Variants in SLC27A3 observed in about 807,000 individuals in gnomAD.
SLC27A3 encodes the protein solute carrier family 27 member 3.
In SLC27A3, 60 loss-of-function variants were observed where a neutral mutation model predicts 60.1. The ratio of observed to expected loss-of-function variants is 1.00; its 90% CI spans 0.81 to 1.24. SLC27A3 has a LOEUF of 1.24. Ranked by LOEUF, SLC27A3 falls within the 50% of genes most tolerant of loss-of-function variation. The pLI, the probability that SLC27A3 is intolerant of heterozygous loss-of-function variation, is 0.00. For synonymous variants in SLC27A3, 455 were observed against 409.0 expected (o/e 1.11, Z -1.36); for missense variants, 1,079 against 929.9 (o/e 1.16, Z -2.09).
intron 3 of SLC27A3, chr1:153,777,549 T>C: frequency 1.6e-6 from 1 of 634,350 alleles, no homozygotes; most frequent in Non-Finnish European, 2.7e-6. Context: ...GGCTGGGAAG[T>C]AGGGAAAGGG....
chr1:153,775,704 G>T lies in SLC27A3; in HGVS notation c.207G>T (p.Trp69Cys). ...CCGAGGGGGGCTGCAGCCTGGCCTG[G>T]CGCCTCGCGGAACTGGCCCAGCAGC... ...EGPEGGCSLAWRLAELAQQRA... is the reference protein window; with the variant it reads ...EGPEGGCSLACRLAELAQQRA... Residue 69 changes from tryptophan to cysteine, a missense_variant, in exon 1 of 10, where the codon TGG becomes TGT. Coordinates refer to ENST00000624995, the MANE Select transcript of SLC27A3 (RefSeq NM_024330.4). 1 of 1,527,002 alleles carries T rather than the reference G, an allele frequency of 6.5e-7. No individual in the cohort carries two copies. The highest frequency in any genetic ancestry group is 8.8e-7 in the Non-Finnish European group (1 of 1,141,676). The allele number at this position is 1,527,002 out of a possible 1,614,324, so 94.6% of individuals were successfully genotyped here. A position where few individuals can be genotyped will look rare whatever the true frequency, so the allele number is the denominator to read the frequency against.
chr1:153,777,100 C>G lies in SLC27A3; in HGVS notation c.916C>G (p.Leu306Val), dbSNP rs375378070. ...TGCTCGGATCAGTCATCTGAAGATC[C>G]TGCAATGCCAGGGCTTCTATCAGCT... is the stretch of plus-strand genomic sequence containing the variant. The part of the protein sequence containing the change: ...KAARISHLKI[L>V]QCQGFYQLCG... Residue 306 changes from leucine (L) to valine (V), a missense_variant, in exon 3 of 10, where the codon CTG (leucine) becomes GTG (valine). Physicochemically the swap from Leu to Val is conservative, Grantham distance 32 (BLOSUM62 1). Coordinates refer to ENST00000624995, the MANE Select transcript of SLC27A3 (RefSeq NM_024330.4). 3 of 1,614,104 alleles carry G rather than the reference C, an allele frequency of 1.9e-6. No homozygotes were observed. In the African/African-American group the frequency reaches 4.0e-5, roughly 22 times the overall value.
chr1:153,776,974 C>T, intron 2 of SLC27A3, 88 bp from the exon 3 acceptor site: 1 of 1,442,062 alleles, frequency 6.9e-7, no homozygotes, highest in South Asian at 1.2e-5. Flanking sequence ...CCGCCTCTTT[C>T]TGTGGGAAAC....
chr1:153,777,349 T>C (rs1278736273), intron 3 of SLC27A3, 129 bp downstream of exon 3: 1 of 1,174,656 alleles, frequency 8.5e-7, no homozygotes, highest in African/African-American at 1.5e-5. Context: ...CACCAGGAGC[T>C]CTGTACAATA....
At position 153,779,416 on chromosome 1, in the gene SLC27A3, C is replaced by T. The variant is rs1431894726; in HGVS notation, c.1818C>T (p.Tyr606=). 2 of 1,614,062 alleles carry T rather than the reference C, an allele frequency of 1.2e-6. No individual in the cohort carries two copies. Among genetic ancestry groups the T allele is most frequent in the Middle Eastern group, 1.7e-4 (1 of 6,060 alleles). The change falls in exon 9 of 10, where the codon TAC becomes TAT. Residue 606 remains tyrosine, a synonymous_variant. Coordinates refer to ENST00000624995, the MANE Select transcript of SLC27A3 (RefSeq NM_024330.4). The part of the protein sequence containing the change: ...PPHALDLMQL[Y]THVSENLPPY... ...ACGCTTTGGACCTTATGCAGCTCTA[C>T]ACCCACGTGTCTGAGAACTTGCCAC... is the stretch of plus-strand genomic sequence containing the variant.
At position 153,778,206 on chromosome 1, in the gene SLC27A3, G is replaced by A. The variant is rs146128753; in HGVS notation, c.1207G>A (p.Gly403Arg). 952 of 1,613,076 alleles carry A rather than the reference G, an allele frequency of 5.9e-4. 4 individuals carry two copies. The East Asian group carries it at 0.016, about 27-fold the overall frequency. ...TAAGGTCCGGCTGGCAGTGGGCAGC[G>A]GGCTGCGCCCAGATACCTGGGAGCG... is the stretch of plus-strand genomic sequence containing the variant. ...GHKVRLAVGS[G>R]LRPDTWERFV... The change falls in exon 5 of 10, where the codon GGG becomes AGG. Residue 403 changes from glycine (G) to arginine (R), a missense_variant. Physicochemically the swap from Gly to Arg is moderately radical, Grantham distance 125 (BLOSUM62 -2). Transcript: ENST00000624995.
rs765738547 is a variant in SLC27A3, at chr1:153,778,762, C to T, written c.1523C>T (p.Ala508Val). 1.9e-6 allele frequency: 3 copies of T among 1,613,994 alleles called. No individual in the cohort carries two copies. The South Asian group carries it at 3.3e-5, about 18-fold the overall frequency. ...GGCTATGCTGGCGGGCCAGAGCTGGCCCAGGGGAAGTTGCTAAAGGATGTC... is the reference window on the plus strand; with the variant it reads ...GGCTATGCTGGCGGGCCAGAGCTGGTCCAGGGGAAGTTGCTAAAGGATGTC... ...FLGYAGGPEL[A>V]QGKLLKDVFR... The change falls in exon 7 of 10, where the codon GCC becomes GTC. Residue 508 changes from alanine to valine, a missense_variant. By Grantham distance (64) the Ala-to-Val change is moderately conservative (BLOSUM62 0). Coordinates refer to ENST00000624995, the MANE Select transcript of SLC27A3 (RefSeq NM_024330.4).
chr1:153,776,134 T>G lies in SLC27A3; in HGVS notation c.637T>G (p.Cys213Gly). 2.8e-6 allele frequency: 4 copies of G among 1,439,912 alleles called. No individual in the cohort carries two copies. In the South Asian group the frequency reaches 4.4e-5, roughly 16 times the overall value. 89.2% of individuals were successfully genotyped at this position (1,439,912 alleles called of 1,614,324 possible). ...CCCCCTGCTGCACTGCCTCCGCAGC[T>G]GCGGCGCGCGCGCGCTGGTGCTGGC... ...RGPLLHCLRS[C>G]GARALVLAPE... The change falls in exon 1 of 10, where the codon TGC becomes GGC. Residue 213 changes from cysteine to glycine, a missense_variant. Transcript: ENST00000624995.
In SLC27A3 at chr1:153,779,186, G is replaced by A. The variant is rs778805677; in HGVS notation, c.1719G>A (p.Val573=). 1.9e-6 allele frequency: 3 copies of A among 1,614,164 alleles called. No homozygotes were observed. The highest frequency in any genetic ancestry group is 2.2e-5 in the South Asian group (2 of 91,076). The part of the protein sequence containing the change: ...VFEALDFLQE[V]NVYGVTVPGH... ...AGGCCCTAGATTTTCTTCAGGAGGT[G>A]AACGTCTATGGAGTCACTGTGCCAG... The change falls in exon 8 of 10, where the codon GTG becomes GTA. Residue 573 remains valine, a synonymous_variant. Coordinates refer to ENST00000624995, the MANE Select transcript of SLC27A3 (RefSeq NM_024330.4).
At chr1:153,779,579 G>C in intron 9 of SLC27A3, 106 bp downstream of exon 9, 2 of 1,331,116 alleles carry the variant, frequency 1.5e-6, no homozygotes, top group African/African-American at 1.5e-5. Flanking sequence ...ACTCCACAAA[G>C]GGACCCCCAA....
Position 153,778,895 on chromosome 1 carries a change from C to T in SLC27A3, c.1646+10C>T, listed in dbSNP as rs764713708. The T allele has an allele frequency of 6.2e-7, 1 of 1,613,408 alleles. No homozygotes were observed. The highest frequency in any genetic ancestry group is 1.7e-4 in the Middle Eastern group (1 of 6,052). ...CTGGAGACACCTTCAGGTATCTGTCCATAACTGGTTTTTCATCCTGGACAT... is the reference window on the plus strand; with the variant it reads ...CTGGAGACACCTTCAGGTATCTGTCTATAACTGGTTTTTCATCCTGGACAT... On this transcript the variant is annotated intron_variant, in intron 7 of 9. Coordinates refer to ENST00000624995, the MANE Select transcript of SLC27A3 (RefSeq NM_024330.4).
Position 153,779,472 on chromosome 1 carries a change from A to G in SLC27A3, c.1874A>G (p.Gln625Arg), listed in dbSNP as rs755744516. The change falls in exon 9 of 10, where the codon CAG becomes CGG. Residue 625 changes from glutamine to arginine, a missense_variant and splice_region_variant. By Grantham distance (43) the Gln-to-Arg change is conservative. Coordinates refer to ENST00000624995, the MANE Select transcript of SLC27A3 (RefSeq NM_024330.4). ...PYARPRFLRL[Q>R]ESLATTETFK... ...GCCCGGCCCCGATTCCTCAGGCTCCAGGTAACCGGCCACTTCCCCCGCCGG... is the reference window on the plus strand; with the variant it reads ...GCCCGGCCCCGATTCCTCAGGCTCCGGGTAACCGGCCACTTCCCCCGCCGG... The G allele has an allele frequency of 2.5e-6, 4 of 1,612,208 alleles. No individual in the cohort carries two copies. The South Asian group carries it at 3.3e-5, about 13-fold the overall frequency.
intron 2 of SLC27A3, among the ~76,000 whole-genome samples, 159 bp from the exon 3 acceptor site, chr1:153,776,903 C>A (rs977608321): frequency 2.0e-5 from 3 of 152,218 alleles, no homozygotes; most frequent in African/African-American, 7.2e-5. Flanking sequence ...TTCTCCACCT[C>A]CCCCAGACCA....
Position 153,776,809 on chromosome 1 carries a change from G to T in SLC27A3, c.877+82G>T, listed in dbSNP as rs933414669. ...TCTGCTCCCAGACCACTCCTTCAAA[G>T]CCCCCAGAGAGGATGCTGATTTCAT... On this transcript the variant is annotated intron_variant, in intron 2 of 9. Transcript: ENST00000624995. 7 of 1,358,694 alleles carry T rather than the reference G, an allele frequency of 5.2e-6. No individual in the cohort carries two copies. In the African/African-American group the frequency reaches 1.0e-4, roughly 20 times the overall value. 84.2% of individuals were successfully genotyped at this position (1,358,694 alleles called of 1,614,324 possible). A position where few individuals can be genotyped will look rare whatever the true frequency, so the allele number is the denominator to read the frequency against.
Position 153,778,506 on chromosome 1 carries a change from G to A in SLC27A3, c.1400G>A (p.Gly467Glu). ...FSLIRYDVTT[G>E]EPIRDPQGHC... The stretch of plus-strand genomic sequence containing the variant: ...TTGATTCGCTATGATGTCACCACAG[G>A]AGAGCCAATTCGGGACCCCCAGGGG... The change falls in exon 6 of 10, where the codon GGA becomes GAA. Residue 467 changes from glycine (G) to glutamate (E), a missense_variant. Physicochemically the swap from Gly to Glu is moderately conservative, Grantham distance 98 (BLOSUM62 -2). Coordinates refer to ENST00000624995, the MANE Select transcript of SLC27A3 (RefSeq NM_024330.4). The A allele has an allele frequency of 6.2e-7, 1 of 1,614,236 alleles. No individual in the cohort carries two copies. The highest frequency in any genetic ancestry group is 8.5e-7 in the Non-Finnish European group (1 of 1,180,046).
Position 153,777,217 on chromosome 1 carries a change from A to G in SLC27A3, c.1033A>G (p.Ile345Val), listed in dbSNP as rs756007300. 3 of 1,614,174 alleles carry G rather than the reference A, an allele frequency of 1.9e-6. No individual in the cohort carries two copies. The highest frequency in any genetic ancestry group is 2.5e-6 in the Non-Finnish European group (3 of 1,180,008). ...GCTGGGCATCGTGGGCTGCATGGGCATTGGTCAGTCTCCCCAACCCCACCT... is the reference window on the plus strand; with the variant it reads ...GCTGGGCATCGTGGGCTGCATGGGCGTTGGTCAGTCTCCCCAACCCCACCT... Reference protein sequence around the residue: ...SLLGIVGCMGIGATVVLKSKF... With the variant: ...SLLGIVGCMGVGATVVLKSKF... The change falls in exon 3 of 10, where the codon ATT becomes GTT. Residue 345 changes from isoleucine (I) to valine (V), a missense_variant. By Grantham distance (29) the Ile-to-Val change is conservative. Transcript: ENST00000624995.
chr1:153,779,969 C>G lies in SLC27A3; in HGVS notation c.2019C>G (p.Tyr673Ter). The G allele has an allele frequency of 6.2e-7, 1 of 1,613,932 alleles. No individual in the cohort carries two copies. Among genetic ancestry groups the G allele is most frequent in the South Asian group, 1.1e-5 (1 of 91,030 alleles). Residue 673 changes from tyrosine (Y) to a stop codon, truncating the protein, a stop_gained, in exon 10 of 10, where the codon TAC becomes TAG. Transcript: ENST00000624995. LOFTEE classifies it high-confidence loss of function. Reference sequence around the variant, plus strand: ...ACCTGCCCCTCACAACTGCCCGGTACAGCGCCCTCCTGGCAGGAAACCTTC... The same window carrying G: ...ACCTGCCCCTCACAACTGCCCGGTAGAGCGCCCTCCTGGCAGGAAACCTTC... ...GAYLPLTTARYSALLAGNLRI is the reference protein window; with the variant it reads ...GAYLPLTTAR
At position 153,777,230 on chromosome 1, in the gene SLC27A3, C is replaced by T. The variant is rs1673279402; in HGVS notation, c.1036+10C>T. On this transcript the variant is annotated intron_variant, in intron 3 of 9. Coordinates refer to ENST00000624995, the MANE Select transcript of SLC27A3 (RefSeq NM_024330.4). ...GGCTGCATGGGCATTGGTCAGTCTCCCCAACCCCACCTTCATTAATTCATC... is the reference window on the plus strand; with the variant it reads ...GGCTGCATGGGCATTGGTCAGTCTCTCCAACCCCACCTTCATTAATTCATC... 6.2e-7 allele frequency: 1 copy of T among 1,613,998 alleles called. No homozygotes were observed. The highest frequency in any genetic ancestry group is 8.5e-7 in the Non-Finnish European group (1 of 1,179,862).
rs780120241 is a variant in SLC27A3 at position 153,778,863 on chromosome 1, G to A, written c.1624G>A (p.Asp542Asn). ...CDDQGFLRFH[D>N]RTGDTFRWKG... ...TGACCAAGGTTTTCTCCGCTTCCAT[G>A]ATCGTACTGGAGACACCTTCAGGTA... is the stretch of plus-strand genomic sequence containing the variant. Residue 542 changes from aspartate (D) to asparagine (N), a missense_variant, in exon 7 of 10, where the codon GAT (aspartate) becomes AAT (asparagine). Transcript: ENST00000624995. 1.9e-6 allele frequency: 3 copies of A among 1,614,160 alleles called. No homozygotes were observed. Among genetic ancestry groups the A allele is most frequent in the Admixed American group, 3.3e-5 (2 of 60,026 alleles).
Sources: allele counts gnomAD v4.1 joint callset (sites outside exome capture counted in the v4.1 genomes callset), GRCh38; gene constraint gnomAD v4.1.1; transcripts MANE v1.5; gene names NCBI Gene and HGNC (gene_info 2026-07-23, HGNC 2026-07-21).